Variants in ATF1 observed in about 807,000 individuals in gnomAD.
ATF1 encodes the protein activating transcription factor 1, also known as cyclic AMP-dependent transcription factor ATF-1.
A neutral mutation model predicts 34.7 loss-of-function variants in ATF1; 16 were observed. That is an observed-to-expected ratio of 0.46 (90% CI 0.31 to 0.70). The LOEUF is 0.70. ATF1 is among the 30% of genes least tolerant of loss of function. ATF1 has a pLI of 0.05. For missense variants in ATF1, 255 were observed against 321.6 expected, an observed-to-expected ratio of 0.79 and a Z score of 1.58; for synonymous variants, 105 against 113.1, an observed-to-expected ratio of 0.93 and a Z score of 0.46.
At chr12:50,815,076 T>A (rs533116096) in intron 6 of ATF1, among the ~76,000 whole-genome samples, 105 of 152,090 alleles carry the variant, frequency 6.9e-4, no homozygotes, top group African/African-American at 2.4e-3. Context: ...AAGCTGAGAT[T>A]GCGCCACTGC....
chr12:50,785,049 C>T (rs1330242862), intron 2 of ATF1, among the ~76,000 whole-genome samples: 2 of 146,096 alleles, frequency 1.4e-5, no homozygotes, highest in East Asian at 4.1e-4. Flanking sequence ...CCTCCCCCCT[C>T]CCCGCTGGAT....
chr12:50,814,533 C>A, intron 6 of ATF1, 94 bp downstream of exon 6: 2 of 1,286,408 alleles, frequency 1.6e-6, no homozygotes, highest in South Asian at 1.4e-5. Flanking sequence ...CAGTCATGGG[C>A]TGCATGACAA....
intron 1 of ATF1, among the ~76,000 whole-genome samples, chr12:50,771,974 A>G (rs1940782700): frequency 1.3e-5 from 2 of 152,340 alleles, no homozygotes; most frequent in Admixed American, 1.3e-4. Flanking sequence ...ACAAATAACC[A>G]TAAAAATGGA....
At chr12:50,812,753 G>C (rs1160407466) in intron 4 of ATF1, among the ~76,000 whole-genome samples, 2 of 152,014 alleles carry the variant, frequency 1.3e-5, no homozygotes, top group African/African-American at 4.8e-5. Flanking sequence ...GAGCCCAGGA[G>C]GTAGAGTGCA....
At chr12:50,786,418 A>T (rs1196063548) in intron 2 of ATF1, among the ~76,000 whole-genome samples, 1 of 152,102 alleles carries the variant, frequency 6.6e-6, no homozygotes, top group African/African-American at 2.4e-5. Flanking sequence ...GCGTGAGCGT[A>T]TAGAATCCTT....
intron 6 of ATF1, among the ~76,000 whole-genome samples, chr12:50,814,974 T>C (rs1365772066): frequency 6.6e-6 from 1 of 151,880 alleles, no homozygotes; most frequent in Non-Finnish European, 1.5e-5. Flanking sequence ...ACAAAAAAAT[T>C]AGCTGGGCGT....
intron 3 of ATF1, among the ~76,000 whole-genome samples, chr12:50,803,058 C>G (rs1378223161): frequency 6.6e-6 from 1 of 150,680 alleles, no homozygotes; most frequent in Non-Finnish European, 1.5e-5. Context: ...GTTAGGAGTT[C>G]AAGACCAGCA....
chr12:50,767,582 G>T (rs943036708), intron 1 of ATF1, among the ~76,000 whole-genome samples: 1 of 152,170 alleles, frequency 6.6e-6, no homozygotes, highest in Admixed American at 6.5e-5. Context: ...CCAGCAAGCT[G>T]GTCAGTAAGA....
intron 1 of ATF1, among the ~76,000 whole-genome samples, chr12:50,772,754 T>A (rs542962671): frequency 1.3e-5 from 2 of 152,296 alleles, no homozygotes; most frequent in Non-Finnish European, 2.9e-5. Context: ...GCCTAGCCTT[T>A]TTTTTTCCCT....
chr12:50,814,173 C>T lies in ATF1; in HGVS notation c.492C>T (p.Ser164=), dbSNP rs777239021. The part of the protein sequence containing the change: ...TSDGQQILVP[S]NQVVVQTASG... Reference sequence around the variant, plus strand: ...ATGGACAGCAGATACTTGTGCCCAGCAATCAGGTGGTCGTACAAAGTAAGT... The same window carrying T: ...ATGGACAGCAGATACTTGTGCCCAGTAATCAGGTGGTCGTACAAAGTAAGT... The change falls in exon 5 of 7, where the codon AGC becomes AGT. Residue 164 remains serine (S), a synonymous_variant. Coordinates refer to ENST00000262053, the MANE Select transcript of ATF1 (RefSeq NM_005171.5). The T allele has an allele frequency of 1.2e-6, 2 of 1,613,952 alleles. No homozygotes were observed. Among genetic ancestry groups the T allele is most frequent in the Non-Finnish European group, 1.7e-6 (2 of 1,179,898 alleles).
chr12:50,793,610 G>A (rs1343929220), intron 2 of ATF1, among the ~76,000 whole-genome samples: 2 of 147,894 alleles, frequency 1.4e-5, no homozygotes, highest in African/African-American at 5.0e-5. Flanking sequence ...TCCAGCCTGG[G>A]CGACAAGAGC....
chr12:50,802,558 C>G (rs1941533022), intron 3 of ATF1, among the ~76,000 whole-genome samples: 1 of 151,592 alleles, frequency 6.6e-6, no homozygotes, highest in African/African-American at 2.4e-5. Context: ...ACTATAAAAC[C>G]TTGTTGAAAG....
chr12:50,805,283 C>T (rs960559256), intron 3 of ATF1, among the ~76,000 whole-genome samples: 1 of 151,710 alleles, frequency 6.6e-6, no homozygotes, highest in Non-Finnish European at 1.5e-5. Context: ...AGGCTAGGCA[C>T]GGTGGCTCAT....
intron 4 of ATF1, among the ~76,000 whole-genome samples, chr12:50,813,316 T>C (rs1007353667): frequency 2.0e-5 from 3 of 152,172 alleles, no homozygotes; most frequent in Non-Finnish European, 4.4e-5. Context: ...TGTAATACAT[T>C]TAACAGTGGT....
intron 1 of ATF1, among the ~76,000 whole-genome samples, chr12:50,768,121 C>T (rs1194171272): frequency 6.6e-6 from 1 of 152,170 alleles, no homozygotes; most frequent in Non-Finnish European, 1.5e-5. Flanking sequence ...GATCCACCTG[C>T]CTCAGCCTCC....
chr12:50,784,969 C>T, intron 2 of ATF1, among the ~76,000 whole-genome samples: 1 of 151,370 alleles, frequency 6.6e-6, no homozygotes, highest in Non-Finnish European at 1.5e-5. Context: ...CATATGTATA[C>T]ATGTTCCATG....
At chr12:50,765,839 A>G (rs570187542) in intron 1 of ATF1, among the ~76,000 whole-genome samples, 5 of 152,186 alleles carry the variant, frequency 3.3e-5, no homozygotes, top group African/African-American at 7.2e-5. Context: ...GTTACCCTAT[A>G]TGGTCTAAAA....
chr12:50,798,904 G>A (rs1457686440), intron 3 of ATF1, among the ~76,000 whole-genome samples: 5 of 152,142 alleles, frequency 3.3e-5, no homozygotes, highest in African/African-American at 4.8e-5. Context: ...TAGACTTTTA[G>A]AACTTAACTA....
At chr12:50,804,837 A>C (rs1941583571) in intron 3 of ATF1, among the ~76,000 whole-genome samples, 1 of 143,594 alleles carries the variant, frequency 7.0e-6, no homozygotes, top group Non-Finnish European at 1.5e-5. Context: ...CCCGAGACGG[A>C]GTCTCACGCT....
Sources: allele counts gnomAD v4.1 joint callset (sites outside exome capture counted in the v4.1 genomes callset), GRCh38; gene constraint gnomAD v4.1.1; transcripts MANE v1.5; gene names NCBI Gene and HGNC (gene_info 2026-07-23, HGNC 2026-07-21).